The following C1orf21 variants were observed in gnomAD, a reference collection of about 807,000 sequenced individuals.
C1orf21 encodes chromosome 1 open reading frame 21.
Under a neutral mutation model 18.7 loss-of-function variants are expected in C1orf21, and 3 were observed. The ratio of observed to expected loss-of-function variants is 0.16; its 90% CI spans 0.07 to 0.42. The LOEUF (loss-of-function observed/expected upper bound fraction) is 0.42, where lower values mean the gene tolerates loss of function less well. C1orf21 is among the 10% of genes least tolerant of loss of function. C1orf21 has a pLI of 0.99. For synonymous variants in C1orf21, 41 were observed against 46.4 expected (o/e 0.88, Z 0.47); for missense variants, 104 against 143.6 (o/e 0.72, Z 1.41).
chr1:184,395,025 G>T (rs1469094996), intron 1 of C1orf21, among the ~76,000 whole-genome samples: 1 of 151,864 alleles, frequency 6.6e-6, no homozygotes, highest in Non-Finnish European at 1.5e-5. Context: ...CCCCTCTACT[G>T]TGTCTCTTGA....
chr1:184,421,857 C>G (rs1656551464), intron 1 of C1orf21, among the ~76,000 whole-genome samples: 1 of 151,520 alleles, frequency 6.6e-6, no homozygotes, highest in African/African-American at 2.4e-5. Flanking sequence ...TAACAAATAT[C>G]TCAGAACTTA....
chr1:184,475,374 C>A (rs1657554045), intron 1 of C1orf21, among the ~76,000 whole-genome samples: 1 of 151,942 alleles, frequency 6.6e-6, no homozygotes, highest in Admixed American at 6.6e-5. Flanking sequence ...CTGAAATGAA[C>A]ACACACAAAT....
chr1:184,537,047 A>G (rs1022343988), intron 3 of C1orf21, among the ~76,000 whole-genome samples: 1 of 152,166 alleles, frequency 6.6e-6, no homozygotes, highest in Non-Finnish European at 1.5e-5. Flanking sequence ...TATACGGGCT[A>G]TGCAAGGGGG....
intron 1 of C1orf21, among the ~76,000 whole-genome samples, chr1:184,476,464 AT>A (rs1386213711): frequency 1.3e-5 from 2 of 152,188 alleles, no homozygotes; most frequent in African/African-American, 4.8e-5. Context: ...TAGGCCTGGA[AT>A]GGTTGGGTGA....
intron 3 of C1orf21, among the ~76,000 whole-genome samples, chr1:184,530,600 C>CTTTTTTTTTT (rs1184327589): frequency 2.7e-5 from 3 of 111,466 alleles, no homozygotes; most frequent in Admixed American, 9.0e-5. Flanking sequence ...TTTCTTTTTT[C>CTTTTTTTTTT]TTTTTTTTTT....
At chr1:184,598,935 G>A (rs1659552533) in intron 5 of C1orf21, among the ~76,000 whole-genome samples, 1 of 152,168 alleles carries the variant, frequency 6.6e-6, no homozygotes, top group Non-Finnish European at 1.5e-5. Context: ...TTTTACAGAA[G>A]GAAACAGGCT....
In C1orf21 at chr1:184,628,708, G is replaced by A. The variant is rs531213709; in HGVS notation, c.*9152G>A. On this transcript the variant is annotated 3_prime_UTR_variant, in exon 6 of 6. Transcript: ENST00000235307. ...TCAGGTACACTGGACAGAGCCATGC[G>A]ATTGATTGTTCATCTTCCCTCTCTG... is the stretch of plus-strand genomic sequence containing the variant. The A allele has an allele frequency of 5.2e-5, 8 of 152,672 alleles. No individual in the cohort carries two copies. In the East Asian group the frequency reaches 1.2e-3, roughly 22 times the overall value. The allele number at this position is 152,672 out of a possible 1,614,324, so 9.5% of individuals were successfully genotyped here.
chr1:184,600,386 C>T (rs1041039105), intron 5 of C1orf21, among the ~76,000 whole-genome samples: 2 of 152,104 alleles, frequency 1.3e-5, no homozygotes, highest in African/African-American at 2.4e-5. Context: ...AGGCTGGTCT[C>T]GAACTCCTGA....
intron 1 of C1orf21, among the ~76,000 whole-genome samples, chr1:184,413,164 G>T (rs1260655838): frequency 6.6e-6 from 1 of 152,236 alleles, no homozygotes; most frequent in Non-Finnish European, 1.5e-5. Context: ...TGGTAATCCT[G>T]CAGTGTCCAC....
At chr1:184,520,105 C>T (rs1482733641) in intron 3 of C1orf21, among the ~76,000 whole-genome samples, 1 of 152,152 alleles carries the variant, frequency 6.6e-6, no homozygotes, top group Non-Finnish European at 1.5e-5. Flanking sequence ...AATGTATTTA[C>T]TCAGTGCTCT....
At chr1:184,583,124 C>G (rs1659300112) in intron 3 of C1orf21, among the ~76,000 whole-genome samples, 1 of 152,178 alleles carries the variant, frequency 6.6e-6, no homozygotes, top group African/African-American at 2.4e-5. Context: ...CAGGCGTGAG[C>G]CACTGTGCCT....
chr1:184,503,348 G>A (rs1010860514), intron 2 of C1orf21, among the ~76,000 whole-genome samples: 1 of 152,050 alleles, frequency 6.6e-6, no homozygotes, highest in Non-Finnish European at 1.5e-5. Flanking sequence ...AGTGGTATAT[G>A]AGGTTCTTTA....
intron 5 of C1orf21, among the ~76,000 whole-genome samples, chr1:184,607,742 T>C (rs1659669243): frequency 6.7e-6 from 1 of 150,088 alleles, no homozygotes; most frequent in South Asian, 2.1e-4. Flanking sequence ...CATATATATG[T>C]GTGTGTATAT....
chr1:184,480,967 A>T lies in C1orf21; in HGVS notation c.94+3364A>T, dbSNP rs193096930. ...CATCAGGGACATACTTTAGGTTGCAAATTGACTGTTGTCTCTTGAGGCAAT... is the reference window on the plus strand; with the variant it reads ...CATCAGGGACATACTTTAGGTTGCATATTGACTGTTGTCTCTTGAGGCAAT... On this transcript the variant is annotated intron_variant, in intron 2 of 5. Coordinates refer to ENST00000235307, the MANE Select transcript of C1orf21 (RefSeq NM_030806.4). 8.5e-5 allele frequency among the ~76,000 whole-genome samples: 13 copies of T among 152,236 alleles called. No individual in the cohort carries two copies. In the East Asian group the frequency reaches 1.9e-3, roughly 23 times the overall value.
chr1:184,506,576 A>G (rs549966665), intron 2 of C1orf21, among the ~76,000 whole-genome samples: 42 of 152,296 alleles, frequency 2.8e-4, no homozygotes, highest in African/African-American at 9.9e-4. Flanking sequence ...ACTTCATGCT[A>G]TATGCCAGAC....
At chr1:184,543,867 A>G (rs896763196) in intron 3 of C1orf21, among the ~76,000 whole-genome samples, 2 of 152,162 alleles carry the variant, frequency 1.3e-5, no homozygotes, top group Non-Finnish European at 2.9e-5. Flanking sequence ...ATAGCTTTTC[A>G]TAAAAGATCA....
rs76035196 is a variant in C1orf21 at position 184,463,734 on chromosome 1, A to C, written c.-124-13652A>C. On this transcript the variant is annotated intron_variant, in intron 1 of 5. Transcript: ENST00000235307. Reference sequence around the variant, plus strand: ...GAATTATTTCCTAAAATAGAGGTAAATGCTAACTTCAAAAGGAAGAGGACT... The same window carrying C: ...GAATTATTTCCTAAAATAGAGGTAACTGCTAACTTCAAAAGGAAGAGGACT... 2.5e-3 allele frequency among the ~76,000 whole-genome samples: 385 copies of C among 152,358 alleles called. 4 individuals carry two copies. In the East Asian group the frequency reaches 0.03, roughly 12 times the overall value.
intron 3 of C1orf21, among the ~76,000 whole-genome samples, chr1:184,565,084 C>T (rs1230034069): frequency 6.6e-6 from 1 of 152,192 alleles, no homozygotes; most frequent in African/African-American, 2.4e-5. Flanking sequence ...AAAGTGCCAT[C>T]CTTGCTGTCA....
intron 1 of C1orf21, among the ~76,000 whole-genome samples, chr1:184,463,780 T>C (rs1472725242): frequency 6.6e-6 from 1 of 152,182 alleles, no homozygotes; most frequent in African/African-American, 2.4e-5. Flanking sequence ...CAGGTTGGAC[T>C]GAGATGGAAA....
Sources: allele counts gnomAD v4.1 joint callset (sites outside exome capture counted in the v4.1 genomes callset), GRCh38; gene constraint gnomAD v4.1.1; transcripts MANE v1.5; gene names NCBI Gene and HGNC (gene_info 2026-07-23, HGNC 2026-07-21).